Variants in MON2 observed in about 807,000 individuals in gnomAD.
MON2 encodes MON2 regulator of endosome-to-Golgi trafficking.
Under a neutral mutation model 208.6 loss-of-function variants are expected in MON2, and 84 were observed. The ratio of observed to expected loss-of-function variants is 0.40; its 90% CI spans 0.34 to 0.48. The LOEUF (loss-of-function observed/expected upper bound fraction) is 0.48. Ranked by LOEUF, MON2 falls within the 20% of genes least tolerant of loss-of-function variation. The pLI, the probability that MON2 is intolerant of heterozygous loss-of-function variation, is 0.59. For missense variants in MON2, 1,611 were observed against 2,015.4 expected (o/e 0.80, Z 3.84); for synonymous variants, 660 against 694.0 (o/e 0.95, Z 0.77).
At chr12:62,563,219 C>T (rs1221023414) in intron 26 of MON2, among the ~76,000 whole-genome samples, 1 of 152,172 alleles carries the variant, frequency 6.6e-6, no homozygotes, top group Non-Finnish European at 1.5e-5. Flanking sequence ...CTTCAGCCTC[C>T]TCATCTATAA....
chr12:62,508,581 C>T, intron 8 of MON2, 101 bp downstream of exon 8: 2 of 1,072,502 alleles, frequency 1.9e-6, no homozygotes, highest in Admixed American at 1.9e-5. Flanking sequence ...CAATTCAGTT[C>T]AACAGAATTT....
rs1369907386 is a variant in MON2 at position 62,552,996 on chromosome 12, C to G, written c.3032C>G (p.Pro1011Arg). Residue 1011 changes from proline to arginine, a missense_variant, in exon 24 of 35, where the codon CCA becomes CGA. Coordinates refer to ENST00000393630, the MANE Select transcript of MON2 (RefSeq NM_015026.3). ...GAGAAAGGAGTTGTTTTAAATCGGC[C>G]ATTCCACCCTGCACCGCCATTTGAT... ...AEEKGVVLNR[P>R]FHPAPPFDCL... 1 of 1,613,988 alleles carries G rather than the reference C, an allele frequency of 6.2e-7. No homozygotes were observed. The highest frequency in any genetic ancestry group is 8.5e-7 in the Non-Finnish European group (1 of 1,180,002).
chr12:62,491,185 A>G (rs957766995), intron 2 of MON2, among the ~76,000 whole-genome samples: 3 of 152,220 alleles, frequency 2.0e-5, no homozygotes, highest in Non-Finnish European at 4.4e-5. Flanking sequence ...TTCCGTTAAC[A>G]TCTTATGGTA....
chr12:62,588,193 A>G (rs1385052313), intron 34 of MON2, 37 bp downstream of exon 34: 1 of 1,363,732 alleles, frequency 7.3e-7, no homozygotes, highest in Non-Finnish European at 1.0e-6. Context: ...AATTCGTAAC[A>G]TTTATGTTCT....
intron 20 of MON2, 130 bp from the exon 21 acceptor site, chr12:62,544,768 G>A: frequency 1.3e-6 from 2 of 1,535,970 alleles, no homozygotes; most frequent in Non-Finnish European, 1.8e-6. Context: ...TTATTCAGAA[G>A]GTAAGCTAAC....
rs544191717 is a variant in MON2, at chr12:62,529,242, G to A, written c.1400+3140G>A. On this transcript the variant is annotated intron_variant, in intron 11 of 34. Coordinates refer to ENST00000393630, the MANE Select transcript of MON2 (RefSeq NM_015026.3). ...CTCAAGAGTTGACACATTAGTGGTA[G>A]GCTTTAGTGTCAGTCAGACTTGATT... is the stretch of plus-strand genomic sequence containing the variant. 2.0e-5 allele frequency among the ~76,000 whole-genome samples: 3 copies of A among 152,278 alleles called. No homozygotes were observed. The South Asian group carries it at 6.2e-4, about 32-fold the overall frequency.
At chr12:62,577,845 C>T (rs1235655570) in intron 30 of MON2, among the ~76,000 whole-genome samples, 3 of 152,106 alleles carry the variant, frequency 2.0e-5, no homozygotes, top group African/African-American at 7.2e-5. Flanking sequence ...GTCCATTTTA[C>T]TGTTCACTCT....
chr12:62,535,415 A>AT, intron 13 of MON2, 110 bp from the exon 14 acceptor site: 2 of 835,764 alleles, frequency 2.4e-6, no homozygotes, highest in South Asian at 4.6e-5. Context: ...TTTTGACAAT[A>AT]TTTTTGTATA....
At chr12:62,579,559 TAA>T (rs1475755677) in intron 31 of MON2, among the ~76,000 whole-genome samples, 8 of 137,250 alleles carry the variant, frequency 5.8e-5, no homozygotes, top group Non-Finnish European at 6.3e-5. Context: ...CCGTCTCTAC[TAA>T]AAAAAAAAAA....
rs34553715 is a variant in MON2 at position 62,582,722 on chromosome 12, TA to T, written c.4699+2314del. Among the ~76,000 whole-genome samples the T allele has an allele frequency of 1.3e-3, 194 of 147,678 alleles. 1 individual carries two copies. The highest frequency in any genetic ancestry group is 2.2e-3 in the Admixed American group (33 of 14,782). On this transcript the variant is annotated intron_variant, in intron 32 of 34. Coordinates refer to ENST00000393630, the MANE Select transcript of MON2 (RefSeq NM_015026.3). ...GAAAAATAAAGTTTGTAGTTTTCATTAAAAAAAAAAAACTTAGAGTTTTCCT... is the reference window on the plus strand; with the variant it reads ...GAAAAATAAAGTTTGTAGTTTTCATTAAAAAAAAAAACTTAGAGTTTTCCT...
intron 32 of MON2, among the ~76,000 whole-genome samples, chr12:62,584,048 A>G (rs1486314365): frequency 4.0e-5 from 6 of 151,500 alleles, no homozygotes; most frequent in Non-Finnish European, 8.8e-5. Context: ...CAGTGGTTTT[A>G]GAGTTGTAAA....
intron 32 of MON2, among the ~76,000 whole-genome samples, 194 bp downstream of exon 32, chr12:62,580,614 A>G (rs965657540): frequency 6.6e-6 from 1 of 152,152 alleles, no homozygotes; most frequent in Admixed American, 6.5e-5. Context: ...GAATGTTTTT[A>G]TTCCATGTTT....
chr12:62,567,023 C>A (rs547866489), intron 29 of MON2, among the ~76,000 whole-genome samples: 9 of 152,330 alleles, frequency 5.9e-5, no homozygotes, highest in South Asian at 2.1e-4. Flanking sequence ...CTTAACTGAA[C>A]ATGCATGCTG....
In MON2 at chr12:62,508,620, C is replaced by T. The variant is rs545287509; in HGVS notation, c.984+140C>T. 60 of 656,818 alleles carry T rather than the reference C, an allele frequency of 9.1e-5. 1 individual carries two copies. In the South Asian group the frequency reaches 9.9e-4, roughly 11 times the overall value. The allele number at this position is 656,818 out of a possible 1,614,324, so 40.7% of individuals were successfully genotyped here. Reference sequence around the variant, plus strand: ...TGAGTACCTACGTGTAGTCTAGGTACTCTAAAGGTTTGTTCTATCCTTTCT... The same window carrying T: ...TGAGTACCTACGTGTAGTCTAGGTATTCTAAAGGTTTGTTCTATCCTTTCT... On this transcript the variant is annotated intron_variant, in intron 8 of 34. Transcript: ENST00000393630.
chr12:62,477,135 G>GT (rs1251304962), intron 1 of MON2, among the ~76,000 whole-genome samples: 1 of 152,014 alleles, frequency 6.6e-6, no homozygotes, highest in African/African-American at 2.4e-5. Context: ...TCCATAGTTT[G>GT]TTTTTTCCTT....
At chr12:62,540,944 C>G (rs144787091) in intron 19 of MON2, among the ~76,000 whole-genome samples, 2 of 152,086 alleles carry the variant, frequency 1.3e-5, no homozygotes, top group Non-Finnish European at 2.9e-5. Context: ...TCATCTAAAT[C>G]GACTGTTCTG....
rs1192680038 is a variant in MON2 at position 62,570,722 on chromosome 12, C to CTTTTTTTTT, written c.4324-649_4324-641dup. On this transcript the variant is annotated intron_variant, in intron 29 of 34. Coordinates refer to ENST00000393630, the MANE Select transcript of MON2 (RefSeq NM_015026.3). ...ATAACTATGGCAGAATTTTCTTTTTCTTTTTTTTTTTTTTTTTTTTTTTTT... is the reference window on the plus strand; with the variant it reads ...ATAACTATGGCAGAATTTTCTTTTTCTTTTTTTTTTTTTTTTTTTTTTTTTTTTTTTTTT... Among the ~76,000 whole-genome samples, 91 of 70,866 alleles carry CTTTTTTTTT rather than the reference C, an allele frequency of 1.3e-3. 7 individuals carry two copies. Among genetic ancestry groups the CTTTTTTTTT allele is most frequent in the African/African-American group, 2.6e-3 (44 of 17,032 alleles). The allele number at this position is 70,866 out of a possible 152,430, so 46.5% of individuals were successfully genotyped here.
At chr12:62,562,303 T>A (rs908193985) in intron 26 of MON2, among the ~76,000 whole-genome samples, 1 of 139,394 alleles carries the variant, frequency 7.2e-6, no homozygotes, top group East Asian at 2.0e-4. Flanking sequence ...AACAAGAAAC[T>A]TTTTTTTTTT....
chr12:62,584,500 G>A (rs558424060), intron 32 of MON2, among the ~76,000 whole-genome samples: 227 of 152,136 alleles, frequency 1.5e-3, no homozygotes, highest in Non-Finnish European at 2.6e-3. Flanking sequence ...TCAGGAAATC[G>A]AGACCATCCT....
Sources: gnomAD v4.1 joint callset for allele counts (sites outside exome capture counted in the v4.1 genomes callset) on GRCh38, gnomAD v4.1.1 for gene constraint, MANE v1.5 for transcripts, NCBI Gene and HGNC (gene_info 2026-07-23, HGNC 2026-07-21) for gene names.